The following NR3C2 variants were observed in gnomAD, a reference collection of about 807,000 sequenced individuals.
NR3C2 encodes nuclear receptor subfamily 3 group C member 2, also known as mineralocorticoid receptor.
Under a neutral mutation model 86.4 loss-of-function variants are expected in NR3C2, and 15 were observed. The ratio of observed to expected loss-of-function variants is 0.17; its 90% CI spans 0.12 to 0.27. The LOEUF is 0.27. Among genes scored for constraint, NR3C2 ranks in the 10% least tolerant of loss-of-function variants. The pLI is 1.00. For synonymous variants in NR3C2, 458 were observed against 450.5 expected, an observed-to-expected ratio of 1.02 and a Z score of -0.21; for missense variants, 960 against 1,195.6, an observed-to-expected ratio of 0.80 and a Z score of 2.91.
At chr4:148,277,928 G>A (rs1483389307) in intron 2 of NR3C2, among the ~76,000 whole-genome samples, 1 of 152,172 alleles carries the variant, frequency 6.6e-6, no homozygotes, top group Non-Finnish European at 1.5e-5. Context: ...CCCAAAATGT[G>A]AGTCACGAAA....
chr4:148,417,443 T>A (rs1749067906), intron 2 of NR3C2, among the ~76,000 whole-genome samples: 1 of 152,184 alleles, frequency 6.6e-6, no homozygotes, highest in African/African-American at 2.4e-5. Context: ...AATTATCTAG[T>A]GTATGGTGTT....
At chr4:148,406,924 A>G (rs1480096548) in intron 2 of NR3C2, among the ~76,000 whole-genome samples, 1 of 152,204 alleles carries the variant, frequency 6.6e-6, no homozygotes, top group Admixed American at 6.5e-5. Context: ...CTGCGTAATT[A>G]TTGGACTTAC....
chr4:148,424,719 A>C (rs1749444900), intron 2 of NR3C2, among the ~76,000 whole-genome samples: 1 of 152,160 alleles, frequency 6.6e-6, no homozygotes, highest in Admixed American at 6.5e-5. Flanking sequence ...AGAAAAAAAA[A>C]AAACAAAATT....
At chr4:148,311,771 C>T (rs1338588185) in intron 2 of NR3C2, among the ~76,000 whole-genome samples, 2 of 152,240 alleles carry the variant, frequency 1.3e-5, no homozygotes, top group Admixed American at 6.5e-5. Context: ...AATTACACTG[C>T]ACTCTTGTTT....
At chr4:148,332,616 G>T (rs1298452840) in intron 2 of NR3C2, among the ~76,000 whole-genome samples, 1 of 152,166 alleles carries the variant, frequency 6.6e-6, no homozygotes, top group Non-Finnish European at 1.5e-5. Context: ...GCTAACATCT[G>T]CAAAGCATCT....
intron 8 of NR3C2, among the ~76,000 whole-genome samples, chr4:148,104,939 GA>G (rs1431108337): frequency 6.6e-6 from 1 of 152,204 alleles, no homozygotes; most frequent in Non-Finnish European, 1.5e-5. Flanking sequence ...ATTTCCTGAG[GA>G]GAAACTTTGC....
chr4:148,242,903 T>C (rs1041243112), intron 3 of NR3C2, among the ~76,000 whole-genome samples: 1 of 152,124 alleles, frequency 6.6e-6, no homozygotes, highest in Non-Finnish European at 1.5e-5. Context: ...TTATGTGTAC[T>C]CAATGAGACT....
At chr4:148,318,444 T>A (rs1293045465) in intron 2 of NR3C2, among the ~76,000 whole-genome samples, 1 of 149,200 alleles carries the variant, frequency 6.7e-6, no homozygotes, top group Non-Finnish European at 1.5e-5. Flanking sequence ...CCCTGAGGAA[T>A]CGCCACACTG....
chr4:148,165,628 A>T (rs2149779266), intron 4 of NR3C2, among the ~76,000 whole-genome samples: 1 of 152,296 alleles, frequency 6.6e-6, no homozygotes, highest in Non-Finnish European at 1.5e-5. Flanking sequence ...ATGAAAAGAA[A>T]ACTGTGTTTT....
intron 2 of NR3C2, among the ~76,000 whole-genome samples, chr4:148,336,467 G>C (rs1356443133): frequency 6.6e-6 from 1 of 152,156 alleles, no homozygotes; most frequent in East Asian, 1.9e-4. Context: ...GCCGAACTTG[G>C]ATAAATGGGA....
At chr4:148,304,912 T>G (rs1742536167) in intron 2 of NR3C2, among the ~76,000 whole-genome samples, 1 of 150,350 alleles carries the variant, frequency 6.7e-6, no homozygotes, top group African/African-American at 2.5e-5. Flanking sequence ...TTTTTTTTCC[T>G]GAGAGATTTC....
At chr4:148,322,366 C>T (rs1293621760) in intron 2 of NR3C2, among the ~76,000 whole-genome samples, 6 of 138,490 alleles carry the variant, frequency 4.3e-5, no homozygotes, top group East Asian at 4.1e-4. Context: ...CTTGGAGTTG[C>T]TCTTCTCGAG....
chr4:148,210,935 A>G (rs1424881085), intron 3 of NR3C2, among the ~76,000 whole-genome samples: 1 of 152,184 alleles, frequency 6.6e-6, no homozygotes, highest in African/African-American at 2.4e-5. Flanking sequence ...CCCTGTGTGT[A>G]TATCTCTTTG....
At chr4:148,445,242 G>T (rs1560744324), upstream of NR3C2, among the ~76,000 whole-genome samples, 1 of 151,882 alleles carries the variant, frequency 6.6e-6, no homozygotes, top group Non-Finnish European at 1.5e-5. Context: ...GCGGGGGGAG[G>T]CGAGGGCTGG....
At chr4:148,220,055 T>C (rs140898810) in intron 3 of NR3C2, among the ~76,000 whole-genome samples, 153 of 151,862 alleles carry the variant, frequency 1.0e-3, no homozygotes, top group African/African-American at 3.5e-3. Flanking sequence ...CCTAAGTAGT[T>C]AGGACCACAG....
intron 1 of NR3C2, among the ~76,000 whole-genome samples, chr4:148,437,858 C>A (rs1358634757): frequency 6.6e-6 from 1 of 152,168 alleles, no homozygotes; most frequent in African/African-American, 2.4e-5. Context: ...AAGCAACCCA[C>A]CAGGTTGTTT....
intron 3 of NR3C2, among the ~76,000 whole-genome samples, chr4:148,209,456 G>GT (rs1038351056): frequency 3.3e-5 from 5 of 151,646 alleles, no homozygotes; most frequent in African/African-American, 1.2e-4. Flanking sequence ...ATTTTCTGAT[G>GT]TTTTTTGCGG....
chr4:148,194,911 A>G, intron 3 of NR3C2, 49 bp from the exon 4 acceptor site: 2 of 1,270,192 alleles, frequency 1.6e-6, no homozygotes, highest in South Asian at 1.2e-5. Flanking sequence ...ACACTAGTAC[A>G]AAACATTAAT....
chr4:148,371,498 G>A (rs1746419888), intron 2 of NR3C2, among the ~76,000 whole-genome samples: 1 of 152,020 alleles, frequency 6.6e-6, no homozygotes, highest in African/African-American at 2.4e-5. Flanking sequence ...GAGGCTCTCA[G>A]AGACATTACA....
Sources: allele counts gnomAD v4.1 joint callset (sites outside exome capture counted in the v4.1 genomes callset), GRCh38; gene constraint gnomAD v4.1.1; transcripts MANE v1.5; gene names NCBI Gene and HGNC (gene_info 2026-07-23, HGNC 2026-07-21).